HEPACAM2: variants seen among roughly 807,000 people sequenced by gnomAD.
HEPACAM2 encodes HEPACAM family member 2, also known as mitotic kinetics regulator.
Under a neutral mutation model 49.6 loss-of-function variants are expected in HEPACAM2, and 49 were observed. That is an observed-to-expected ratio of 0.99 (90% CI 0.78 to 1.25). HEPACAM2 has a LOEUF of 1.25. HEPACAM2 is among the 50% of genes most tolerant of loss of function. The pLI is 0.00. For synonymous variants in HEPACAM2, 197 were observed against 202.9 expected (o/e 0.97, Z 0.25); for missense variants, 525 against 557.2 (o/e 0.94, Z 0.58).
At chr7:93,228,529 C>T (rs1490754588), upstream of HEPACAM2, among the ~76,000 whole-genome samples, 3 of 151,394 alleles carry the variant, frequency 2.0e-5, no homozygotes. Flanking sequence ...AGCTTAACTT[C>T]AACAATTGTT....
chr7:93,200,052 A>T (rs1217164546), intron 4 of HEPACAM2, among the ~76,000 whole-genome samples: 1 of 151,776 alleles, frequency 6.6e-6, no homozygotes, highest in Non-Finnish European at 1.5e-5. Context: ...TTTTTTAATG[A>T]CTATACAAAT....
At chr7:93,216,277 A>G (rs1317631839) in intron 2 of HEPACAM2, among the ~76,000 whole-genome samples, 1 of 152,192 alleles carries the variant, frequency 6.6e-6, no homozygotes, top group African/African-American at 2.4e-5. Context: ...TTGTAACATT[A>G]TGTTAGGCAC....
At position 93,189,221 on chromosome 7, in the gene HEPACAM2, G is replaced by A; in HGVS notation, c.*46C>T. 2 of 1,544,774 alleles carry A rather than the reference G, an allele frequency of 1.3e-6. No individual in the cohort carries two copies. The highest frequency in any genetic ancestry group is 1.4e-5 in the African/African-American group (1 of 73,058). ...CTTTTCCACTGTTTTTCCTTAAAATGTTTCTTCAGAATTTCACTCGAATGT... is the reference window on the plus strand; with the variant it reads ...CTTTTCCACTGTTTTTCCTTAAAATATTTCTTCAGAATTTCACTCGAATGT... On this transcript the variant is annotated 3_prime_UTR_variant, in exon 10 of 10. Transcript: ENST00000394468.
chr7:93,230,203 G>A (rs1309816394), upstream of HEPACAM2, among the ~76,000 whole-genome samples: 2 of 152,014 alleles, frequency 1.3e-5, no homozygotes, highest in Non-Finnish European at 2.9e-5. Flanking sequence ...CTTTTTGGGG[G>A]GATCATCTTT....
intron 8 of HEPACAM2, among the ~76,000 whole-genome samples, chr7:93,195,219 C>T (rs187732271): frequency 5.3e-5 from 8 of 152,072 alleles, no homozygotes; most frequent in East Asian, 1.9e-4. Flanking sequence ...TCTCCTGATC[C>T]GCTGTTTATT....
chr7:93,221,923 C>T (rs2116724669), intron 1 of HEPACAM2, among the ~76,000 whole-genome samples: 1 of 152,040 alleles, frequency 6.6e-6, no homozygotes, highest in East Asian at 1.9e-4. Context: ...AAGTGTAAGA[C>T]TATTAAATCT....
chr7:93,202,965 A>T lies in HEPACAM2; in HGVS notation c.1013-5355T>A, dbSNP rs535893075. Among the ~76,000 whole-genome samples, 15 of 152,202 alleles carry T rather than the reference A, an allele frequency of 9.9e-5. No individual in the cohort carries two copies. In the South Asian group the frequency reaches 1.5e-3, roughly 15 times the overall value. On this transcript the variant is annotated intron_variant, in intron 4 of 9. Coordinates refer to ENST00000394468, the MANE Select transcript of HEPACAM2 (RefSeq NM_001039372.4). ...TACTAAAATGACCTAATTTGCACAC[A>T]TTCTCTCCTACAGAGGATCCCACTG...
chr7:93,231,026 A>T (rs1794617962), upstream of HEPACAM2, among the ~76,000 whole-genome samples: 1 of 152,228 alleles, frequency 6.6e-6, no homozygotes, highest in Admixed American at 6.5e-5. Context: ...AAAATATTAC[A>T]ACCTCATTTG....
At position 93,215,591 on chromosome 7, in the gene HEPACAM2, G is replaced by A. The variant is rs770811716; in HGVS notation, c.525C>T (p.Gly175=). The A allele has an allele frequency of 4.2e-5, 68 of 1,613,600 alleles. No homozygotes were observed. In the Admixed American group the frequency reaches 1.1e-3, roughly 27 times the overall value. The part of the protein sequence containing the change: ...NMTLTCHVEG[G]TRLAYQWLKN... ...TTAGCCATTGGTAAGCTAGCCGAGTGCCCCCTTCCACATGGCATGTCAGGG... is the reference window on the plus strand; with the variant it reads ...TTAGCCATTGGTAAGCTAGCCGAGTACCCCCTTCCACATGGCATGTCAGGG... The change falls in exon 3 of 10, where the codon GGC becomes GGT. Residue 175 remains glycine (G), a synonymous_variant. Transcript: ENST00000394468.
chr7:93,206,917 T>C (rs1475495012), intron 4 of HEPACAM2, among the ~76,000 whole-genome samples: 2 of 152,096 alleles, frequency 1.3e-5, no homozygotes, highest in African/African-American at 4.8e-5. Context: ...CTTTAGGAAC[T>C]TTTTAGTAAA....
chr7:93,202,755 C>T (rs1262438905), intron 4 of HEPACAM2, among the ~76,000 whole-genome samples: 1 of 152,046 alleles, frequency 6.6e-6, no homozygotes, highest in Non-Finnish European at 1.5e-5. Flanking sequence ...TTACTATTTC[C>T]AAGCAGTTCC....
chr7:93,224,435 T>A (rs1021802456), intron 1 of HEPACAM2, among the ~76,000 whole-genome samples: 1 of 152,156 alleles, frequency 6.6e-6, no homozygotes, highest in Non-Finnish European at 1.5e-5. Context: ...TAAATTATAG[T>A]TCTGTTAAAA....
At chr7:93,190,194 G>GC (rs750272376) in intron 9 of HEPACAM2, among the ~76,000 whole-genome samples, 3 of 151,972 alleles carry the variant, frequency 2.0e-5, no homozygotes, top group Admixed American at 6.6e-5. Flanking sequence ...GAAAAAGGAA[G>GC]CATTTCACTT....
chr7:93,212,632 CT>C (rs1019223622), intron 3 of HEPACAM2, among the ~76,000 whole-genome samples: 44 of 152,118 alleles, frequency 2.9e-4, no homozygotes, highest in African/African-American at 1.0e-3. Context: ...TCAAGTCTTA[CT>C]TTAATGCATC....
intron 8 of HEPACAM2, 112 bp from the exon 9 acceptor site, chr7:93,192,475 C>G: frequency 1.3e-6 from 1 of 752,242 alleles, no homozygotes; most frequent in Middle Eastern, 3.8e-4. Flanking sequence ...AGAATTAGAA[C>G]TATTTATCTT....
At chr7:93,190,648 T>C (rs1171576590) in intron 9 of HEPACAM2, among the ~76,000 whole-genome samples, 2 of 152,026 alleles carry the variant, frequency 1.3e-5, no homozygotes, top group Non-Finnish European at 2.9e-5. Context: ...TTTGAATGCC[T>C]GAAAAAGAAC....
At chr7:93,218,774 A>G (rs564162324) in intron 2 of HEPACAM2, among the ~76,000 whole-genome samples, 2 of 152,134 alleles carry the variant, frequency 1.3e-5, no homozygotes, top group African/African-American at 2.4e-5. Flanking sequence ...GGTACAGTCT[A>G]TTGTTGAGAA....
chr7:93,227,078 A>T (rs563533475), upstream of HEPACAM2, among the ~76,000 whole-genome samples: 191 of 152,288 alleles, frequency 1.3e-3, no homozygotes, highest in African/African-American at 4.5e-3. Flanking sequence ...GTGTGTTTCC[A>T]ACTGGGACTG....
At chr7:93,228,440 T>C (rs1794576437), upstream of HEPACAM2, among the ~76,000 whole-genome samples, 1 of 148,468 alleles carries the variant, frequency 6.7e-6, no homozygotes. Flanking sequence ...AGTGGTAAAC[T>C]GTAGATATAA....
Sources: gnomAD v4.1 joint callset for allele counts (sites outside exome capture counted in the v4.1 genomes callset) on GRCh38, gnomAD v4.1.1 for gene constraint, MANE v1.5 for transcripts, NCBI Gene and HGNC (gene_info 2026-07-23, HGNC 2026-07-21) for gene names.